SYNJ1: variants seen among roughly 807,000 people sequenced by gnomAD.
The protein encoded by SYNJ1 is synaptojanin 1.
SYNJ1 carries 78 observed loss-of-function variants against 168.2 expected under a neutral mutation model. The ratio of observed to expected loss-of-function variants is 0.46; its 90% CI spans 0.39 to 0.56. The LOEUF (loss-of-function observed/expected upper bound fraction) is 0.56, where lower values mean the gene tolerates loss of function less well. Among genes scored for constraint, SYNJ1 ranks in the 20% least tolerant of loss-of-function variants. The pLI, the probability that SYNJ1 is intolerant of heterozygous loss-of-function variation, is 0.00. For synonymous variants in SYNJ1, 539 were observed against 548.6 expected, an observed-to-expected ratio of 0.98 and a Z score of 0.24; for missense variants, 1,303 against 1,597.6, an observed-to-expected ratio of 0.82 and a Z score of 3.14.
intron 7 of SYNJ1, 149 bp from the exon 8 acceptor site, chr21:32,687,223 C>G (rs1334080496): frequency 1.8e-5 from 9 of 490,362 alleles, no homozygotes; most frequent in Non-Finnish European, 3.1e-5. Flanking sequence ...TACATGGTCT[C>G]AAAGCCGAAT....
At chr21:32,634,726 G>A (rs923897506) in intron 32 of SYNJ1, 135 bp downstream of exon 32, 1 of 853,338 alleles carries the variant, frequency 1.2e-6, no homozygotes, top group Non-Finnish European at 1.8e-6. Context: ...AGGTTTTATG[G>A]TATGATAGAA....
intron 22 of SYNJ1, among the ~76,000 whole-genome samples, chr21:32,652,973 T>C (rs1423857880): frequency 2.0e-5 from 3 of 152,226 alleles, no homozygotes; most frequent in African/African-American, 7.2e-5. Context: ...TTTTCTACTA[T>C]ACAGATAAGC....
chr21:32,661,838 G>C (rs2040716034), intron 18 of SYNJ1, among the ~76,000 whole-genome samples: 2 of 152,084 alleles, frequency 1.3e-5, no homozygotes. Context: ...CACTCCCCGA[G>C]AGTTAGGTGA....
intron 24 of SYNJ1, chr21:32,646,004 C>T (rs1273945682): frequency 1.2e-6 from 1 of 834,698 alleles, no homozygotes; most frequent in Non-Finnish European, 2.1e-6. Flanking sequence ...TGACTTCTTA[C>T]CTAGGCCTCA....
chr21:32,702,887 C>G (rs2042458790), intron 2 of SYNJ1, among the ~76,000 whole-genome samples: 1 of 152,242 alleles, frequency 6.6e-6, no homozygotes, highest in Non-Finnish European at 1.5e-5. Flanking sequence ...CTGACGTGTT[C>G]CACGTTAGAA....
chr21:32,647,018 C>CA (rs1450746094), intron 23 of SYNJ1, among the ~76,000 whole-genome samples: 3 of 152,188 alleles, frequency 2.0e-5, no homozygotes, highest in African/African-American at 4.8e-5. Flanking sequence ...AGGAGCCACA[C>CA]AGTCTTCCCC....
chr21:32,704,785 G>A (rs1361674760), intron 2 of SYNJ1, among the ~76,000 whole-genome samples: 1 of 152,176 alleles, frequency 6.6e-6, no homozygotes, highest in Non-Finnish European at 1.5e-5. Context: ...ATGAGAGCCA[G>A]GTTTCTCACT....
intron 22 of SYNJ1, among the ~76,000 whole-genome samples, chr21:32,651,826 T>C (rs1279204970): frequency 6.6e-6 from 1 of 152,226 alleles, no homozygotes; most frequent in East Asian, 1.9e-4. Context: ...AATAAATGTA[T>C]ATATTTATTC....
chr21:32,667,995 AAAG>A (rs1040280517), intron 15 of SYNJ1, among the ~76,000 whole-genome samples: 21 of 144,596 alleles, frequency 1.5e-4, no homozygotes, highest in Non-Finnish European at 9.2e-5. Context: ...CTACTTTATT[AAAG>A]AAGAATATAT....
intron 3 of SYNJ1, among the ~76,000 whole-genome samples, chr21:32,700,572 T>C (rs2042363678): frequency 1.3e-5 from 2 of 152,116 alleles, no homozygotes; most frequent in African/African-American, 4.8e-5. Context: ...GGAGAATCAC[T>C]TGAACCTGGA....
intron 13 of SYNJ1, among the ~76,000 whole-genome samples, chr21:32,675,161 C>G (rs944450515): frequency 1.3e-5 from 2 of 152,104 alleles, no homozygotes; most frequent in African/African-American, 4.8e-5. Flanking sequence ...GTTACCAATG[C>G]GAACATAGTG....
chr21:32,705,978 C>A (rs1453658064), intron 2 of SYNJ1, among the ~76,000 whole-genome samples: 1 of 152,050 alleles, frequency 6.6e-6, no homozygotes, highest in Non-Finnish European at 1.5e-5. Flanking sequence ...CAGAGTGAAA[C>A]CCTGTCTCAA....
intron 29 of SYNJ1, among the ~76,000 whole-genome samples, chr21:32,641,497 T>C (rs980399813): frequency 4.6e-5 from 7 of 152,112 alleles, no homozygotes; most frequent in African/African-American, 1.7e-4. Context: ...TAGAACCAGT[T>C]TTACTATACT....
chr21:32,723,418 T>C (rs975113197), intron 2 of SYNJ1, among the ~76,000 whole-genome samples: 2 of 152,206 alleles, frequency 1.3e-5, no homozygotes, highest in African/African-American at 4.8e-5. Context: ...ATTAGGAACT[T>C]TGTGTACATA....
chr21:32,688,485 C>T (rs2041910327), intron 6 of SYNJ1, 118 bp from the exon 7 acceptor site: 3 of 750,730 alleles, frequency 4.0e-6, no homozygotes, highest in Admixed American at 3.4e-5. Flanking sequence ...AATCAAATAA[C>T]TGATTTCCAT....
intron 26 of SYNJ1, 77 bp from the exon 27 acceptor site, chr21:32,643,534 T>C (rs2039939765): frequency 6.9e-7 from 1 of 1,449,732 alleles, no homozygotes. Flanking sequence ...CACAAGACAA[T>C]TTCCATAGTA....
intron 3 of SYNJ1, 142 bp downstream of exon 3, chr21:32,701,819 T>A: frequency 1.8e-6 from 1 of 557,166 alleles, no homozygotes; most frequent in Non-Finnish European, 2.9e-6. Context: ...CAATATTAGC[T>A]ACATTAATGT....
intron 32 of SYNJ1, among the ~76,000 whole-genome samples, chr21:32,634,545 A>G (rs1277695191): frequency 2.6e-5 from 4 of 152,184 alleles, no homozygotes; most frequent in Admixed American, 2.6e-4. Flanking sequence ...AAAACCAAGA[A>G]CCGATCTGGT....
In SYNJ1 at chr21:32,639,918, T is replaced by C. The variant is rs1332923288; in HGVS notation, c.3589-139A>G. On this transcript the variant is annotated intron_variant, in intron 29 of 32. Coordinates refer to ENST00000674351, the MANE Select transcript of SYNJ1 (RefSeq NM_203446.3). ...ATTTGTCATTTTAAGTGCTCTCTAC[T>C]TGAAGCCATTATAATGATGAATTTT... is the stretch of plus-strand genomic sequence containing the variant. The C allele has an allele frequency of 4.6e-6, 3 of 645,270 alleles. No individual in the cohort carries two copies. In the African/African-American group the frequency reaches 5.5e-5, roughly 12 times the overall value. 40.0% of individuals were successfully genotyped at this position (645,270 alleles called of 1,614,324 possible). A position where few individuals can be genotyped will look rare whatever the true frequency, so the allele number is the denominator to read the frequency against.
Sources: allele counts gnomAD v4.1 joint callset (sites outside exome capture counted in the v4.1 genomes callset), GRCh38; gene constraint gnomAD v4.1.1; transcripts MANE v1.5; gene names NCBI Gene and HGNC (gene_info 2026-07-23, HGNC 2026-07-21).